The following PATJ variants were observed in gnomAD, a reference collection of about 807,000 sequenced individuals.
The protein encoded by PATJ is inaD-like protein.
PATJ carries 190 observed loss-of-function variants against 224.9 expected under a neutral mutation model. The ratio of observed to expected loss-of-function variants is 0.84; its 90% CI spans 0.75 to 0.95. The LOEUF (loss-of-function observed/expected upper bound fraction) is 0.95, where lower values mean the gene tolerates loss of function less well. Among genes scored for constraint, PATJ ranks in the 40% least tolerant of loss-of-function variants. The pLI, the probability that PATJ is intolerant of heterozygous loss-of-function variation, is 0.00. For synonymous variants in PATJ, 769 were observed against 820.3 expected, an observed-to-expected ratio of 0.94 and a Z score of 1.07; for missense variants, 2,121 against 2,270.3, an observed-to-expected ratio of 0.93 and a Z score of 1.34.
chr1:61,900,581 TTC>T (rs1280425789), intron 23 of PATJ, among the ~76,000 whole-genome samples: 2 of 14,034 alleles, frequency 1.4e-4, no homozygotes, highest in Non-Finnish European at 3.5e-4. Context: ...ATATGTGGCT[TTC>T]TTTTCTTTTC....
At chr1:61,971,283 A>G (rs1217002980) in intron 27 of PATJ, among the ~76,000 whole-genome samples, 1 of 152,190 alleles carries the variant, frequency 6.6e-6, no homozygotes, top group Non-Finnish European at 1.5e-5. Flanking sequence ...CCATGAAAAT[A>G]TGAATATACT....
chr1:61,899,458 TA>T, intron 22 of PATJ, 124 bp from the exon 23 acceptor site: 1 of 564,448 alleles, frequency 1.8e-6, no homozygotes, highest in Non-Finnish European at 3.0e-6. Flanking sequence ...GTAAATATTT[TA>T]AAAACTTAAA....
At chr1:61,906,938 A>C (rs1263460093) in intron 24 of PATJ, among the ~76,000 whole-genome samples, 1 of 152,172 alleles carries the variant, frequency 6.6e-6, no homozygotes, top group Non-Finnish European at 1.5e-5. Flanking sequence ...TGTAGTTCCC[A>C]AAATCCCCAT....
At chr1:62,031,490 T>C (rs1251489457) in intron 29 of PATJ, among the ~76,000 whole-genome samples, 1 of 152,236 alleles carries the variant, frequency 6.6e-6, no homozygotes, top group Non-Finnish European at 1.5e-5. Flanking sequence ...TGTGGACAGA[T>C]TGCAGTTAAT....
chr1:61,963,201 C>T (rs1238479364), intron 27 of PATJ, among the ~76,000 whole-genome samples: 1 of 152,228 alleles, frequency 6.6e-6, no homozygotes. Context: ...TAATAGCCTA[C>T]TCTTGGCTTT....
chr1:62,047,293 G>C (rs987295721), intron 30 of PATJ, among the ~76,000 whole-genome samples: 1 of 152,196 alleles, frequency 6.6e-6, no homozygotes, highest in Non-Finnish European at 1.5e-5. Context: ...GTCTCTCTCT[G>C]TTGCCCAGGC....
At chr1:61,909,639 AT>A (rs923188409) in intron 25 of PATJ, among the ~76,000 whole-genome samples, 11 of 151,376 alleles carry the variant, frequency 7.3e-5, no homozygotes, top group Non-Finnish European at 7.4e-5. Flanking sequence ...CACCTGGTGA[AT>A]TTTTTTTTGT....
intron 20 of PATJ, among the ~76,000 whole-genome samples, chr1:61,866,025 GT>G (rs1347548265): frequency 6.6e-6 from 1 of 152,200 alleles, no homozygotes; most frequent in Non-Finnish European, 1.5e-5. Flanking sequence ...GAGAACAGAT[GT>G]TTTTGGAATA....
chr1:61,995,415 G>A (rs1166466713), intron 28 of PATJ, among the ~76,000 whole-genome samples: 1 of 152,072 alleles, frequency 6.6e-6, no homozygotes, highest in Admixed American at 6.6e-5. Context: ...TCCTTCAGAC[G>A]CTTAGATGAG....
intron 31 of PATJ, among the ~76,000 whole-genome samples, chr1:62,075,994 C>G (rs1658237949): frequency 6.6e-6 from 1 of 151,226 alleles, no homozygotes; most frequent in African/African-American, 2.4e-5. Flanking sequence ...TACAACTAAA[C>G]CAGTGGTTCT....
chr1:62,043,415 T>C (rs1298961053), intron 30 of PATJ, among the ~76,000 whole-genome samples: 2 of 152,200 alleles, frequency 1.3e-5, no homozygotes, highest in Non-Finnish European at 2.9e-5. Context: ...CCAGTTATGC[T>C]CTATAAACTT....
chr1:62,082,114 G>A (rs976038169), intron 32 of PATJ, among the ~76,000 whole-genome samples: 7 of 152,140 alleles, frequency 4.6e-5, no homozygotes, highest in Non-Finnish European at 7.3e-5. Flanking sequence ...GGTCCACACA[G>A]CCTCTGTTGT....
chr1:61,856,463 A>T (rs1663678193), intron 18 of PATJ, among the ~76,000 whole-genome samples: 1 of 152,230 alleles, frequency 6.6e-6, no homozygotes, highest in Admixed American at 6.5e-5. Flanking sequence ...AGTGCATAGC[A>T]TATTATTACA....
intron 25 of PATJ, 46 bp from the exon 26 acceptor site, chr1:61,914,541 T>C: frequency 1.1e-6 from 1 of 884,068 alleles, no homozygotes; most frequent in Non-Finnish European, 1.8e-6. Flanking sequence ...AATGATTATG[T>C]CGTTTAAACG....
intron 21 of PATJ, among the ~76,000 whole-genome samples, chr1:61,884,027 G>A (rs781082328): frequency 1.3e-4 from 20 of 152,040 alleles, no homozygotes; most frequent in Admixed American, 3.3e-4. Context: ...GACTTCTGTT[G>A]AACAATTCCT....
chr1:62,160,144 G>T (rs550884815), intron 43 of PATJ, among the ~76,000 whole-genome samples: 2 of 151,998 alleles, frequency 1.3e-5, no homozygotes, highest in African/African-American at 4.8e-5. Flanking sequence ...CATTTTTTAA[G>T]GTCTTTTCTT....
intron 21 of PATJ, among the ~76,000 whole-genome samples, chr1:61,880,952 G>GTTGTATTTTT (rs1668005344): frequency 6.6e-6 from 1 of 152,034 alleles, no homozygotes; most frequent in African/African-American, 2.4e-5. Context: ...AAATTAGCCG[G>GTTGTATTTTT]GCATGGTGGC....
intron 37 of PATJ, among the ~76,000 whole-genome samples, chr1:62,118,431 T>C (rs1664688296): frequency 6.6e-6 from 1 of 152,102 alleles, no homozygotes; most frequent in South Asian, 2.1e-4. Flanking sequence ...GGAGGTTCCA[T>C]TGAATCTCAC....
chr1:61,865,213 C>CTG (rs1329124348), intron 20 of PATJ: 4 of 141,200 alleles, frequency 2.8e-5, no homozygotes, highest in Non-Finnish European at 6.3e-5. Flanking sequence ...ATTTTCTTTT[C>CTG]TCTTTTTTTT....
Sources: allele counts gnomAD v4.1 joint callset (sites outside exome capture counted in the v4.1 genomes callset), GRCh38; gene constraint gnomAD v4.1.1; transcripts MANE v1.5; gene names NCBI Gene and HGNC (gene_info 2026-07-23, HGNC 2026-07-21).